SGCZ: variants seen among roughly 807,000 people sequenced by gnomAD.
SGCZ encodes zeta-sarcoglycan.
A neutral mutation model predicts 41.3 loss-of-function variants in SGCZ; 40 were observed. The ratio of observed to expected loss-of-function variants is 0.97; its 90% CI spans 0.75 to 1.26. The LOEUF is 1.26. Ranked by LOEUF, SGCZ falls within the 50% of genes most tolerant of loss-of-function variation. The pLI is 0.00. For synonymous variants in SGCZ, 206 were observed against 137.5 expected, an observed-to-expected ratio of 1.50 and a Z score of -3.49; for missense variants, 552 against 369.8, an observed-to-expected ratio of 1.49 and a Z score of -4.04.
intron 1 of SGCZ, among the ~76,000 whole-genome samples, chr8:14,580,547 A>G (rs930556136): frequency 1.5e-4 from 23 of 152,190 alleles, no homozygotes; most frequent in Admixed American, 1.4e-3. Context: ...CCAACAAACA[A>G]ATAAATTGTA....
At chr8:14,381,495 C>T (rs1264074650) in intron 2 of SGCZ, among the ~76,000 whole-genome samples, 1 of 152,082 alleles carries the variant, frequency 6.6e-6, no homozygotes, top group Non-Finnish European at 1.5e-5. Context: ...CCCATAGCAG[C>T]CAGGCACGGT....
intron 3 of SGCZ, among the ~76,000 whole-genome samples, chr8:14,243,210 G>C (rs1798952912): frequency 6.6e-6 from 1 of 151,952 alleles, no homozygotes; most frequent in Non-Finnish European, 1.5e-5. Context: ...ATGTGAATTT[G>C]GTATTTTGTT....
At chr8:14,612,614 A>AT (rs1805965122) in intron 1 of SGCZ, among the ~76,000 whole-genome samples, 1 of 152,176 alleles carries the variant, frequency 6.6e-6, no homozygotes. Context: ...GAATTCAGAT[A>AT]TTTTTATGAG....
At chr8:14,782,547 G>A (rs1449737774) in intron 1 of SGCZ, among the ~76,000 whole-genome samples, 1 of 152,078 alleles carries the variant, frequency 6.6e-6, no homozygotes, top group Admixed American at 6.6e-5. Flanking sequence ...AGATACAAAC[G>A]AATTAACCAT....
At chr8:14,590,630 C>G (rs1232916431) in intron 1 of SGCZ, among the ~76,000 whole-genome samples, 1 of 149,854 alleles carries the variant, frequency 6.7e-6, no homozygotes, top group African/African-American at 2.4e-5. Flanking sequence ...CAACAAATGG[C>G]AAAACCATTA....
At chr8:15,208,366 A>T (rs11203684) in intron 1 of SGCZ, among the ~76,000 whole-genome samples, 118,890 of 152,144 alleles carry the variant, frequency 0.78, 46,924 homozygotes, top group Non-Finnish European at 0.83. Flanking sequence ...TCCAAATAAT[A>T]TGCTGGTAAT....
intron 1 of SGCZ, among the ~76,000 whole-genome samples, chr8:15,115,668 A>G (rs1194841242): frequency 6.6e-6 from 1 of 152,198 alleles, no homozygotes; most frequent in African/African-American, 2.4e-5. Flanking sequence ...ATGCAGAGAA[A>G]ATAATTCTTA....
In SGCZ at chr8:14,603,257, C is replaced by G. The variant is rs58049243; in HGVS notation, c.40-48331G>C. ...ATTAAAGTCACTCAGCAACGTTAGA[C>G]ATTGAAAATTAAAAGTAACTCAATT... On this transcript the variant is annotated intron_variant, in intron 1 of 7. Coordinates refer to ENST00000382080, the MANE Select transcript of SGCZ (RefSeq NM_139167.4). 3.0e-3 allele frequency among the ~76,000 whole-genome samples: 457 copies of G among 152,156 alleles called. 1 individual carries two copies. The highest frequency in any genetic ancestry group is 8.5e-3 in the African/African-American group (354 of 41,508).
chr8:14,990,123 T>C (rs1801959014), intron 1 of SGCZ, among the ~76,000 whole-genome samples: 2 of 152,212 alleles, frequency 1.3e-5, no homozygotes, highest in African/African-American at 4.8e-5. Flanking sequence ...AGCCTGGTCT[T>C]CTGTTACTTT....
intron 2 of SGCZ, among the ~76,000 whole-genome samples, chr8:14,439,982 CA>C (rs1023455667): frequency 6.6e-6 from 1 of 150,878 alleles, no homozygotes. Context: ...ATATTAGGGA[CA>C]AAAAAAATTT....
At chr8:14,770,169 C>T (rs950545088) in intron 1 of SGCZ, among the ~76,000 whole-genome samples, 9 of 149,788 alleles carry the variant, frequency 6.0e-5, no homozygotes, top group East Asian at 5.8e-4. Flanking sequence ...CAGATATTCA[C>T]GTAATTGTTT....
intron 2 of SGCZ, among the ~76,000 whole-genome samples, chr8:14,399,329 T>A (rs1276610461): frequency 6.6e-6 from 1 of 152,158 alleles, no homozygotes; most frequent in African/African-American, 2.4e-5. Flanking sequence ...TTACCAGTTT[T>A]CATCTTACCA....
Position 15,157,529 on chromosome 8 carries a change from A to G in SGCZ, c.39+80056T>C, listed in dbSNP as rs556723442. ...AACCATTTGGAGTTCATACAAATTC[A>G]CGGATTCAATTCATGCTTTATGCCT... On this transcript the variant is annotated intron_variant, in intron 1 of 7. Coordinates refer to ENST00000382080, the MANE Select transcript of SGCZ (RefSeq NM_139167.4). Among the ~76,000 whole-genome samples the G allele has an allele frequency of 7.2e-5, 11 of 152,330 alleles. No individual in the cohort carries two copies. In the South Asian group the frequency reaches 2.1e-3, roughly 29 times the overall value.
At chr8:15,055,094 G>A (rs1472429517) in intron 1 of SGCZ, among the ~76,000 whole-genome samples, 2 of 152,060 alleles carry the variant, frequency 1.3e-5, no homozygotes, top group Non-Finnish European at 2.9e-5. Flanking sequence ...TTGTGGTAGG[G>A]TACACAGGGC....
chr8:14,245,738 C>A (rs1799063994), intron 3 of SGCZ, among the ~76,000 whole-genome samples: 1 of 152,066 alleles, frequency 6.6e-6, no homozygotes, highest in Non-Finnish European at 1.5e-5. Flanking sequence ...TGAACTCAAA[C>A]AAATTTACAA....
intron 1 of SGCZ, among the ~76,000 whole-genome samples, chr8:14,984,735 T>A (rs1413729090): frequency 6.6e-6 from 1 of 152,200 alleles, no homozygotes; most frequent in Non-Finnish European, 1.5e-5. Flanking sequence ...ATTTATGTAA[T>A]GTTCTTCCAA....
At chr8:14,564,447 C>T (rs183816509) in intron 1 of SGCZ, among the ~76,000 whole-genome samples, 3 of 152,154 alleles carry the variant, frequency 2.0e-5, no homozygotes, top group Non-Finnish European at 4.4e-5. Flanking sequence ...GCCTTCTGTG[C>T]GTCTTAGGGA....
At chr8:14,694,614 G>A (rs969121611) in intron 1 of SGCZ, among the ~76,000 whole-genome samples, 3 of 152,142 alleles carry the variant, frequency 2.0e-5, no homozygotes, top group African/African-American at 4.8e-5. Flanking sequence ...GGGAAAAAAG[G>A]ACTGTGCCTT....
intron 1 of SGCZ, among the ~76,000 whole-genome samples, chr8:15,129,707 C>CCAAAA (rs568205903): frequency 1.1e-4 from 12 of 107,886 alleles, no homozygotes; most frequent in Non-Finnish European, 2.2e-4. Flanking sequence ...GAAGCATTTG[C>CCAAAA]AAAAAAAAAA....
Sources: allele counts gnomAD v4.1 joint callset (sites outside exome capture counted in the v4.1 genomes callset), GRCh38; gene constraint gnomAD v4.1.1; transcripts MANE v1.5; gene names NCBI Gene and HGNC (gene_info 2026-07-23, HGNC 2026-07-21).